DEPTOR: variants seen among roughly 807,000 people sequenced by gnomAD.
The protein encoded by DEPTOR is DEP domain-containing mTOR-interacting protein.
Under a neutral mutation model 41.6 loss-of-function variants are expected in DEPTOR, and 41 were observed. The observed-to-expected ratio is 0.98, with a 90% CI of 0.77 to 1.28. The LOEUF (loss-of-function observed/expected upper bound fraction) is 1.28. Among genes scored for constraint, DEPTOR ranks in the 50% most tolerant of loss-of-function variants. DEPTOR has a pLI of 0.00. For synonymous variants in DEPTOR, 195 were observed against 192.3 expected, an observed-to-expected ratio of 1.01 and a Z score of -0.12; for missense variants, 514 against 527.9, an observed-to-expected ratio of 0.97 and a Z score of 0.26.
intron 6 of DEPTOR, 28 bp from the exon 7 acceptor site, chr8:120,006,777 A>G (rs754093349): frequency 1.9e-6 from 3 of 1,609,058 alleles, no homozygotes; most frequent in South Asian, 1.1e-5. Flanking sequence ...GGAAGTGCTT[A>G]TGTCTTGACA....
At chr8:120,013,582 C>T (rs1812564469) in intron 8 of DEPTOR, among the ~76,000 whole-genome samples, 1 of 152,176 alleles carries the variant, frequency 6.6e-6, no homozygotes, top group Non-Finnish European at 1.5e-5. Flanking sequence ...CCCACTTGGG[C>T]ACTGATTAAC....
chr8:119,898,746 A>G (rs1371223550), intron 1 of DEPTOR, among the ~76,000 whole-genome samples: 1 of 151,640 alleles, frequency 6.6e-6, no homozygotes, highest in South Asian at 2.1e-4. Context: ...AAAAAGCCTT[A>G]TATTTTAGGA....
chr8:119,962,388 T>C (rs1175956986), intron 3 of DEPTOR, among the ~76,000 whole-genome samples: 1 of 152,082 alleles, frequency 6.6e-6, no homozygotes, highest in Middle Eastern at 3.2e-3. Context: ...AATGAGATGG[T>C]CTAATTGAGA....
chr8:119,928,566 A>T lies in DEPTOR; in HGVS notation c.289A>T (p.Ile97Phe), dbSNP rs745949118. Residue 97 changes from isoleucine (I) to phenylalanine (F), a missense_variant, in exon 2 of 9, where the codon ATT becomes TTT. Ile to Phe is a conservative substitution (Grantham distance 21, BLOSUM62 0). Transcript: ENST00000286234. The part of the protein sequence containing the change: ...KLMQKLADRG[I>F]IHHVCDEHKE... The stretch of plus-strand genomic sequence containing the variant: ...CATGCAGAAATTAGCAGACCGGGGC[A>T]TTATTCACCATGGTGAGTGCGGTGG... The T allele has an allele frequency of 2.6e-5, 42 of 1,613,996 alleles. No individual in the cohort carries two copies. The highest frequency in any genetic ancestry group is 3.6e-5 in the Non-Finnish European group (42 of 1,179,996).
In DEPTOR at chr8:119,933,453, GACACACACACACAC is replaced by G. The variant is rs35420959; in HGVS notation, c.425+3549_425+3562del. Among the ~76,000 whole-genome samples the G allele has an allele frequency of 7.9e-4, 99 of 124,560 alleles. 1 individual carries two copies. Among genetic ancestry groups the G allele is most frequent in the East Asian group, 1.4e-3 (6 of 4,238 alleles). The allele number at this position is 124,560 out of a possible 152,430, so 81.7% of individuals were successfully genotyped here. On this transcript the variant is annotated intron_variant, in intron 3 of 8. Transcript: ENST00000286234. ...GCCCCCTTTCTTTGAGACAGAGCAA[GACACACACACACAC>G]ACACACACACACACACACACACACA...
At chr8:119,970,838 C>T (rs748228959) in intron 4 of DEPTOR, among the ~76,000 whole-genome samples, 78 of 152,268 alleles carry the variant, frequency 5.1e-4, no homozygotes, top group Non-Finnish European at 1.0e-3. Context: ...AAGGGACTCC[C>T]TTCTCTAGCC....
chr8:120,027,919 T>C (rs1410684332), intron 8 of DEPTOR, among the ~76,000 whole-genome samples: 21 of 152,120 alleles, frequency 1.4e-4, no homozygotes, highest in Admixed American at 1.4e-3. Context: ...ACTCAGTTGG[T>C]CTGGGGTAAG....
intron 1 of DEPTOR, among the ~76,000 whole-genome samples, chr8:119,901,549 G>T (rs1425457853): frequency 2.0e-5 from 3 of 151,976 alleles, no homozygotes; most frequent in Non-Finnish European, 4.4e-5. Flanking sequence ...GGTGGCATGT[G>T]CCTATAGTCC....
chr8:119,901,545 A>T (rs1047662753), intron 1 of DEPTOR, among the ~76,000 whole-genome samples: 52 of 152,184 alleles, frequency 3.4e-4, no homozygotes, highest in African/African-American at 1.2e-3. Context: ...GTGTGGTGGC[A>T]TGTGCCTATA....
intron 4 of DEPTOR, among the ~76,000 whole-genome samples, chr8:119,994,865 C>A (rs9656934): frequency 5.5e-5 from 8 of 146,680 alleles, no homozygotes; most frequent in African/African-American, 1.5e-4. Flanking sequence ...TGCAGTGAGC[C>A]GAGCTTGCAC....
intron 1 of DEPTOR, among the ~76,000 whole-genome samples, chr8:119,914,134 C>G (rs1436204716): frequency 6.6e-6 from 1 of 151,600 alleles, no homozygotes; most frequent in Non-Finnish European, 1.5e-5. Flanking sequence ...CAACCTCCAC[C>G]TCCTGGGTTC....
At chr8:119,936,634 A>C (rs1413087572) in intron 3 of DEPTOR, among the ~76,000 whole-genome samples, 1 of 152,242 alleles carries the variant, frequency 6.6e-6, no homozygotes, top group Non-Finnish European at 1.5e-5. Flanking sequence ...AAACAAAAAA[A>C]GTCTTCAAGC....
chr8:120,001,596 A>G lies in DEPTOR; in HGVS notation c.676A>G (p.Arg226Gly). Reference sequence around the variant, plus strand: ...CAGAATGAACTTCCGGCGGAGGCGAAGACTGATGGAGCTGCTCAATGAAAA... The same window carrying G: ...CAGAATGAACTTCCGGCGGAGGCGAGGACTGATGGAGCTGCTCAATGAAAA... ...QFRMNFRRRRRLMELLNEKSP... is the reference protein window; with the variant it reads ...QFRMNFRRRRGLMELLNEKSP... Residue 226 changes from arginine to glycine, a missense_variant, in exon 5 of 9, where the codon AGA becomes GGA. Transcript: ENST00000286234. 2 of 1,613,984 alleles carry G rather than the reference A, an allele frequency of 1.2e-6. No homozygotes were observed. The highest frequency in any genetic ancestry group is 1.7e-6 in the Non-Finnish European group (2 of 1,179,968).
chr8:119,994,916 CAAA>C (rs59495312), intron 4 of DEPTOR, among the ~76,000 whole-genome samples: 1 of 51,880 alleles, frequency 1.9e-5, no homozygotes, highest in Admixed American at 2.1e-4. Flanking sequence ...GACTCTGTCT[CAAA>C]AAAAAAAAAA....
chr8:119,895,339 T>C (rs1286923580), intron 1 of DEPTOR, among the ~76,000 whole-genome samples: 1 of 152,132 alleles, frequency 6.6e-6, no homozygotes, highest in Non-Finnish European at 1.5e-5. Flanking sequence ...TAGATAAAGG[T>C]GAATACCACA....
chr8:119,967,771 A>G (rs2129976558), intron 4 of DEPTOR, among the ~76,000 whole-genome samples: 1 of 151,756 alleles, frequency 6.6e-6, no homozygotes, highest in African/African-American at 2.4e-5. Context: ...AAAAAAAAAA[A>G]GAGTAAGTAT....
chr8:119,883,241 G>T (rs1023710945), intron 1 of DEPTOR, among the ~76,000 whole-genome samples: 1 of 151,930 alleles, frequency 6.6e-6, no homozygotes, highest in African/African-American at 2.4e-5. Flanking sequence ...TTGGGAGGCC[G>T]AGGCGGGCGG....
intron 4 of DEPTOR, among the ~76,000 whole-genome samples, chr8:119,984,247 C>T (rs1468113599): frequency 5.3e-5 from 8 of 152,058 alleles, no homozygotes; most frequent in East Asian, 3.8e-4. Context: ...GGACCAGGGA[C>T]GCTACTAGGC....
intron 8 of DEPTOR, among the ~76,000 whole-genome samples, chr8:120,029,984 G>A (rs1488252508): frequency 6.6e-6 from 1 of 152,148 alleles, no homozygotes; most frequent in Non-Finnish European, 1.5e-5. Flanking sequence ...TGATCGCTGG[G>A]GCCTTAACTG....
Sources: allele counts gnomAD v4.1 joint callset (sites outside exome capture counted in the v4.1 genomes callset), GRCh38; gene constraint gnomAD v4.1.1; transcripts MANE v1.5; gene names NCBI Gene and HGNC (gene_info 2026-07-23, HGNC 2026-07-21).